The following XIRP2 variants were observed in gnomAD, a reference collection of about 807,000 sequenced individuals.
The protein encoded by XIRP2 is xin actin binding repeat containing 2.
In XIRP2, 236 loss-of-function variants were observed where a neutral mutation model predicts 277.0. That is an observed-to-expected ratio of 0.85 (90% confidence interval 0.77 to 0.95). XIRP2 has a LOEUF of 0.95. Ranked by LOEUF, XIRP2 falls within the 40% of genes least tolerant of loss-of-function variation. XIRP2 has a pLI of 0.00. For missense variants in XIRP2, 4,640 were observed against 4,157.5 expected (o/e 1.12, Z -3.19); for synonymous variants, 1,490 against 1,416.5 (o/e 1.05, Z -1.17).
intron 3 of XIRP2, among the ~76,000 whole-genome samples, chr2:167,179,461 C>T (rs1311848426): frequency 2.0e-5 from 3 of 151,398 alleles, no homozygotes; most frequent in African/African-American, 7.3e-5. Context: ...GCTGGGATTA[C>T]AGGGGTGCAC....
chr2:167,068,559 AC>A (rs1215011427), intron 2 of XIRP2, among the ~76,000 whole-genome samples: 1 of 151,796 alleles, frequency 6.6e-6, no homozygotes, highest in African/African-American at 2.4e-5. Context: ...GATAGTAAAT[AC>A]CTTAGGCTTT....
At chr2:167,124,484 C>T (rs1043661549) in intron 2 of XIRP2, 1 of 152,076 alleles carries the variant, frequency 6.6e-6, no homozygotes, top group Non-Finnish European at 1.5e-5. Context: ...ATATAAAATT[C>T]ACAAAATATT....
chr2:167,170,267 T>A (rs1273838560), intron 3 of XIRP2, among the ~76,000 whole-genome samples: 1 of 152,168 alleles, frequency 6.6e-6, no homozygotes, highest in African/African-American at 2.4e-5. Context: ...AACTTCTCTT[T>A]CTTTTAATTC....
At chr2:167,230,163 A>G (rs1383987749) in intron 5 of XIRP2, among the ~76,000 whole-genome samples, 1 of 148,128 alleles carries the variant, frequency 6.8e-6, no homozygotes, top group African/African-American at 2.7e-5. Flanking sequence ...TTTGAAATTT[A>G]TTCTTTTTCC....
At chr2:167,147,376 G>A (rs543791256) in intron 3 of XIRP2, among the ~76,000 whole-genome samples, 1 of 152,246 alleles carries the variant, frequency 6.6e-6, no homozygotes, top group Admixed American at 6.5e-5. Context: ...TATCAGGCCC[G>A]ATAAGAGTCT....
At chr2:167,217,484 G>A (rs1336693547) in intron 4 of XIRP2, among the ~76,000 whole-genome samples, 2 of 152,076 alleles carry the variant, frequency 1.3e-5, no homozygotes, top group South Asian at 2.1e-4. Flanking sequence ...GACAGATGTG[G>A]ATTGAAATTC....
Position 167,248,131 on chromosome 2 carries a change from C to T in XIRP2, c.6739C>T (p.His2247Tyr). Residue 2247 changes from histidine to tyrosine, a missense_variant, in exon 9 of 11, where the codon CAC becomes TAC. By Grantham distance (83) the His-to-Tyr change is moderately conservative. Transcript: ENST00000409195. ...ATNKKRETDV[H>Y]LKSQDFLMKT... is the part of the protein sequence containing the mutation. ...CAACAAAAAGCGGGAGACTGATGTT[C>T]ACTTGAAAAGCCAGGACTTTCTAAT... The T allele has an allele frequency of 6.2e-7, 1 of 1,613,362 alleles. No individual in the cohort carries two copies. The highest frequency in any genetic ancestry group is 1.1e-5 in the South Asian group (1 of 90,954).
At chr2:167,217,138 TG>T (rs1288577821) in intron 4 of XIRP2, among the ~76,000 whole-genome samples, 2 of 38,028 alleles carry the variant, frequency 5.3e-5, no homozygotes, top group Non-Finnish European at 1.1e-4. Context: ...TGTGGTGGGG[TG>T]GGGGGAGGGG....
intron 2 of XIRP2, among the ~76,000 whole-genome samples, chr2:167,048,384 C>T (rs377476871): frequency 7.9e-5 from 12 of 152,066 alleles, no homozygotes; most frequent in African/African-American, 2.9e-4. Flanking sequence ...GAGATCACAG[C>T]TCTCTTTTGA....
intron 2 of XIRP2, among the ~76,000 whole-genome samples, chr2:166,944,480 C>A (rs1685800890): frequency 6.6e-6 from 1 of 152,162 alleles, no homozygotes; most frequent in Admixed American, 6.5e-5. Context: ...TGTTACATTT[C>A]TTCTCAAAAA....
At chr2:167,046,912 C>T (rs1178724686) in intron 2 of XIRP2, among the ~76,000 whole-genome samples, 2 of 151,704 alleles carry the variant, frequency 1.3e-5, no homozygotes, top group African/African-American at 2.4e-5. Flanking sequence ...CCTATTTACC[C>T]CTCGAACATG....
chr2:167,169,383 T>G (rs1025798507), intron 3 of XIRP2, among the ~76,000 whole-genome samples: 2 of 152,232 alleles, frequency 1.3e-5, no homozygotes, highest in Non-Finnish European at 1.5e-5. Context: ...TAGTCCACAC[T>G]GGACCTCCAA....
chr2:167,141,830 C>T (rs1367524866), intron 3 of XIRP2, among the ~76,000 whole-genome samples: 2 of 152,082 alleles, frequency 1.3e-5, no homozygotes, highest in Non-Finnish European at 2.9e-5. Flanking sequence ...CACTGCACTC[C>T]AGCCTGGGTG....
rs191533451 is a variant in XIRP2 at position 167,210,201 on chromosome 2, A to G, written c.563-534A>G. Among the ~76,000 whole-genome samples, 794 of 152,286 alleles carry G rather than the reference A, an allele frequency of 5.2e-3. 3 individuals carry two copies. Among genetic ancestry groups the G allele is most frequent in the Non-Finnish European group, 8.2e-3 (555 of 68,018 alleles). ...TATTTTAGCTGGACATATCTCCTTA[A>G]AGGTTGAGGGGTGAGGAGAGAAGAA... On this transcript the variant is annotated intron_variant, in intron 3 of 10. Transcript: ENST00000409195.
At chr2:167,084,800 T>G (rs1200236301) in intron 2 of XIRP2, among the ~76,000 whole-genome samples, 1 of 150,334 alleles carries the variant, frequency 6.7e-6, no homozygotes, top group Non-Finnish European at 1.5e-5. Context: ...CCCTTTATCA[T>G]TTTTTATTGT....
At chr2:167,232,401 C>T (rs573028410) in intron 5 of XIRP2, among the ~76,000 whole-genome samples, 8 of 143,432 alleles carry the variant, frequency 5.6e-5, no homozygotes, top group African/African-American at 1.8e-4. Context: ...TTTTCCTTCT[C>T]TCTTTGAGTA....
intron 2 of XIRP2, among the ~76,000 whole-genome samples, chr2:166,907,938 A>G (rs1261233090): frequency 6.6e-6 from 1 of 152,120 alleles, no homozygotes; most frequent in Non-Finnish European, 1.5e-5. Context: ...TACAAAGGAC[A>G]TGAACTCATC....
chr2:166,957,763 A>G (rs1189294493), intron 2 of XIRP2, among the ~76,000 whole-genome samples: 1 of 151,806 alleles, frequency 6.6e-6, no homozygotes, highest in Non-Finnish European at 1.5e-5. Flanking sequence ...AGATAGACCC[A>G]TATGAGTGAT....
At chr2:167,026,683 G>T (rs1688170920) in intron 2 of XIRP2, among the ~76,000 whole-genome samples, 1 of 152,126 alleles carries the variant, frequency 6.6e-6, no homozygotes, top group African/African-American at 2.4e-5. Context: ...TTGCTTGTCT[G>T]TAAAGTATTT....
Sources: allele counts gnomAD v4.1 joint callset (sites outside exome capture counted in the v4.1 genomes callset), GRCh38; gene constraint gnomAD v4.1.1; transcripts MANE v1.5; gene names NCBI Gene and HGNC (gene_info 2026-07-23, HGNC 2026-07-21).